CAMSAP1: variants seen among roughly 807,000 people sequenced by gnomAD.
CAMSAP1 encodes the protein calmodulin-regulated spectrin-associated protein 1.
A neutral mutation model predicts 143.5 loss-of-function variants in CAMSAP1; 58 were observed. That is an observed-to-expected ratio of 0.40 (90% CI 0.33 to 0.50). The LOEUF (loss-of-function observed/expected upper bound fraction) is 0.50. Among genes scored for constraint, CAMSAP1 ranks in the 20% least tolerant of loss-of-function variants. CAMSAP1 has a pLI of 0.45. For missense variants in CAMSAP1, 1,969 were observed against 2,115.7 expected (o/e 0.93, Z 1.36); for synonymous variants, 945 against 859.3 (o/e 1.10, Z -1.74).
chr9:135,874,058 G>T (rs1837653093), intron 3 of CAMSAP1, among the ~76,000 whole-genome samples: 1 of 152,108 alleles, frequency 6.6e-6, no homozygotes, highest in African/African-American at 2.4e-5. Flanking sequence ...GAAAGGGCTG[G>T]TTCAACATCT....
chr9:135,817,314 G>A (rs901190210), intron 14 of CAMSAP1, among the ~76,000 whole-genome samples: 2 of 152,158 alleles, frequency 1.3e-5, no homozygotes, highest in African/African-American at 2.4e-5. Flanking sequence ...AAACATTCTC[G>A]TTCTAGGAAA....
At chr9:135,827,334 T>C in intron 8 of CAMSAP1, 73 bp downstream of exon 8, 1 of 1,340,866 alleles carries the variant, frequency 7.5e-7, no homozygotes. Context: ...GTAACTTCAA[T>C]TAATATTTTA....
intron 15 of CAMSAP1, 104 bp downstream of exon 15, chr9:135,815,786 G>C (rs1835208116): frequency 9.4e-6 from 9 of 952,600 alleles, no homozygotes; most frequent in Middle Eastern, 4.3e-4. Flanking sequence ...ATCTTTGTTA[G>C]AAAAATACTT....
chr9:135,812,690 C>T (rs1273490736), intron 16 of CAMSAP1, among the ~76,000 whole-genome samples: 3 of 152,148 alleles, frequency 2.0e-5, no homozygotes, highest in Admixed American at 2.0e-4. Context: ...CTGTTTGGGC[C>T]GGGCGCTGTG....
intron 15 of CAMSAP1, 38 bp downstream of exon 15, chr9:135,815,852 T>C (rs1169638378): frequency 4.5e-6 from 7 of 1,544,716 alleles, no homozygotes; most frequent in Non-Finnish European, 4.5e-6. Flanking sequence ...CGTATGGCCA[T>C]GCCCACGATG....
chr9:135,848,787 G>A (rs761423622), intron 7 of CAMSAP1, among the ~76,000 whole-genome samples: 6 of 152,222 alleles, frequency 3.9e-5, no homozygotes, highest in Non-Finnish European at 8.8e-5. Context: ...GCTGCTCTGA[G>A]CATCCTTTCC....
rs765610866 is a variant in CAMSAP1, at chr9:135,822,792, G to T, written c.1869C>A (p.Ile623=). ...DERGEGRPRS[I]VSRRPSEGPQ... ...GGCCCTCGCTGGGCCTCCTAGACAC[G>T]ATGCTCCTCGGTCTCCCTTCCCCCC... Residue 623 remains isoleucine (I), a synonymous_variant, in exon 11 of 17, where the codon ATC becomes ATA. Coordinates refer to ENST00000389532, the MANE Select transcript of CAMSAP1 (RefSeq NM_015447.4). The surrounding 1 kb of genome is among the most constrained non-coding windows in gnomAD (Gnocchi z 6.1). 1.2e-6 allele frequency: 2 copies of T among 1,613,914 alleles called. No individual in the cohort carries two copies. Among genetic ancestry groups the T allele is most frequent in the Non-Finnish European group, 8.5e-7 (1 of 1,179,864 alleles).
chr9:135,832,393 A>C (rs1380944631), intron 7 of CAMSAP1, among the ~76,000 whole-genome samples: 1 of 152,200 alleles, frequency 6.6e-6, no homozygotes, highest in East Asian at 1.9e-4. Flanking sequence ...CTCTACACAG[A>C]ACAGGTATAG....
At chr9:135,833,874 C>G (rs1835931235) in intron 7 of CAMSAP1, among the ~76,000 whole-genome samples, 1 of 152,208 alleles carries the variant, frequency 6.6e-6, no homozygotes, top group South Asian at 2.1e-4. Flanking sequence ...AACGAGATGG[C>G]AGCCTACAGA....
At chr9:135,856,971 G>C (rs1017222467) in intron 5 of CAMSAP1, among the ~76,000 whole-genome samples, 1 of 152,210 alleles carries the variant, frequency 6.6e-6, no homozygotes, top group African/African-American at 2.4e-5. Flanking sequence ...CCAGCACTGG[G>C]AAGGCACCTC....
At chr9:135,867,502 T>A (rs1286164041) in intron 3 of CAMSAP1, among the ~76,000 whole-genome samples, 4 of 147,042 alleles carry the variant, frequency 2.7e-5, no homozygotes, top group Admixed American at 1.4e-4. Flanking sequence ...AAAAAAAGTC[T>A]GTAAAGCTAA....
intron 7 of CAMSAP1, among the ~76,000 whole-genome samples, chr9:135,838,402 C>G (rs538858730): frequency 3.4e-5 from 5 of 145,138 alleles, no homozygotes; most frequent in Non-Finnish European, 7.5e-5. Context: ...TCTACAGACA[C>G]ACATCATCAC....
At chr9:135,894,388 C>T (rs1203582082) in intron 1 of CAMSAP1, among the ~76,000 whole-genome samples, 1 of 152,234 alleles carries the variant, frequency 6.6e-6, no homozygotes, top group African/African-American at 2.4e-5. Flanking sequence ...AGGAGCCACA[C>T]TCCACGCACC....
rs1834969946 is a variant in CAMSAP1, at chr9:135,809,625, TAAAATA to T, written c.*1678_*1683del. 6.6e-6 allele frequency: 1 copy of T among 152,664 alleles called. No homozygotes were observed. Among genetic ancestry groups the T allele is most frequent in the Non-Finnish European group, 1.5e-5 (1 of 68,046 alleles). 9.5% of individuals were successfully genotyped at this position (152,664 alleles called of 1,614,324 possible). Reference sequence around the variant, plus strand: ...ACTTTATTACATCTTAGTGCTTTCTTAAAATAAATACAGTAATATCATATCAAACAT... The same window carrying T: ...ACTTTATTACATCTTAGTGCTTTCTTAATACAGTAATATCATATCAAACAT... On this transcript the variant is annotated 3_prime_UTR_variant, in exon 17 of 17. Coordinates refer to ENST00000389532, the MANE Select transcript of CAMSAP1 (RefSeq NM_015447.4).
chr9:135,852,066 C>T (rs1462666184), intron 5 of CAMSAP1, among the ~76,000 whole-genome samples: 1 of 152,186 alleles, frequency 6.6e-6, no homozygotes, highest in African/African-American at 2.4e-5. Context: ...GGGGCGTGAA[C>T]ACCTCCTTCT....
chr9:135,821,255 A>T lies in CAMSAP1; in HGVS notation c.3406T>A (p.Phe1136Ile), dbSNP rs375178833. 3.1e-6 allele frequency: 5 copies of T among 1,608,726 alleles called. No homozygotes were observed. In the African/African-American group the frequency reaches 4.0e-5, roughly 13 times the overall value. ...GTCCGAGGGTGGCTGCTGGCAGGGA[A>T]GGGTCTCAAGTGCGGGAGCGTCTCT... is the stretch of plus-strand genomic sequence containing the variant. ...SVETLPHLRP[F>I]PASSHPRTPT... Residue 1136 changes from phenylalanine (F) to isoleucine (I), a missense_variant, in exon 11 of 17, where the codon TTC becomes ATC. This residue lies in a region of CAMSAP1 where 1,390 missense variants were observed against 1,420.8 expected (regional missense o/e 0.98). Transcript: ENST00000389532. The surrounding 1 kb of genome is among the most constrained non-coding windows in gnomAD (Gnocchi z 4.6).
Position 135,889,227 on chromosome 9 carries a change from C to T in CAMSAP1, c.161-6149G>A, listed in dbSNP as rs555373689. On this transcript the variant is annotated intron_variant, in intron 1 of 16. Coordinates refer to ENST00000389532, the MANE Select transcript of CAMSAP1 (RefSeq NM_015447.4). ...TGTAGCCCCCAGGAGCAGGTCAGGG[C>T]CTGCAGTCTCGACGTAACTGGGTGG... Among the ~76,000 whole-genome samples the T allele has an allele frequency of 1.5e-3, 232 of 152,164 alleles. 1 individual carries two copies. The highest frequency in any genetic ancestry group is 3.2e-3 in the Middle Eastern group (1 of 316).
chr9:135,849,379 A>G (rs1231440046), intron 7 of CAMSAP1, among the ~76,000 whole-genome samples: 1 of 152,218 alleles, frequency 6.6e-6, no homozygotes, highest in African/African-American at 2.4e-5. Flanking sequence ...AAAAATCTTA[A>G]GCATTGCAAG....
At position 135,818,671 on chromosome 9, in the gene CAMSAP1, C is replaced by A; in HGVS notation, c.3960-55G>T. Reference sequence around the variant, plus strand: ...CGGTCACGGGGCTTCTTCCACGACGCCTGCGCCGCGGCGCTCTGTCCAGGC... The same window carrying A: ...CGGTCACGGGGCTTCTTCCACGACGACTGCGCCGCGGCGCTCTGTCCAGGC... On this transcript the variant is annotated intron_variant, in intron 12 of 16. Transcript: ENST00000389532. This position sits in a 1 kb window ranked among gnomAD's most constrained non-coding sequence, Gnocchi z 7.7. 1 of 1,581,466 alleles carries A rather than the reference C, an allele frequency of 6.3e-7. No individual in the cohort carries two copies. The highest frequency in any genetic ancestry group is 8.6e-7 in the Non-Finnish European group (1 of 1,161,822).
Sources: allele counts gnomAD v4.1 joint callset (sites outside exome capture counted in the v4.1 genomes callset), GRCh38; gene constraint gnomAD v4.1.1; regional missense constraint gnomAD v4.1.1; non-coding constraint Gnocchi (gnomAD v3.1); transcripts MANE v1.5; gene names NCBI Gene and HGNC (gene_info 2026-07-23, HGNC 2026-07-21).